The following PDE8B variants were observed in gnomAD, a reference collection of about 807,000 sequenced individuals.
PDE8B encodes the protein phosphodiesterase 8B.
PDE8B carries 26 observed loss-of-function variants against 101.3 expected under a neutral mutation model. The observed-to-expected ratio is 0.26, with a 90% CI of 0.19 to 0.36. PDE8B has a LOEUF of 0.36. PDE8B is among the 10% of genes least tolerant of loss of function. The probability of loss-of-function intolerance (pLI) is 1.00; values close to 1 mark genes in which losing one functional copy is unlikely to be tolerated. For missense variants in PDE8B, 810 were observed against 1,163.1 expected (o/e 0.70, Z 4.42); for synonymous variants, 424 against 429.3 (o/e 0.99, Z 0.15).
At chr5:77,231,478 G>A (rs1753546262) in intron 1 of PDE8B, among the ~76,000 whole-genome samples, 1 of 152,148 alleles carries the variant, frequency 6.6e-6, no homozygotes, top group South Asian at 2.1e-4. Context: ...TAAAGGGAGG[G>A]AATTTCAAAT....
At chr5:77,183,980 T>A in the PDE8B span, among the ~76,000 whole-genome samples, 2,713 of 150,546 alleles carry the variant, frequency 0.018, 35 homozygotes, top group South Asian at 0.056. Flanking sequence ...TTTTTTTTTT[T>A]AAAAAAAAAC....
intron 10 of PDE8B, among the ~76,000 whole-genome samples, chr5:77,388,797 C>G (rs1311367975): frequency 3.9e-5 from 6 of 152,162 alleles, no homozygotes; most frequent in African/African-American, 1.4e-4. Context: ...GAGAGGCAGT[C>G]TGGCCACAGC....
chr5:77,143,442 G>T, the PDE8B span, among the ~76,000 whole-genome samples: 1 of 141,000 alleles, frequency 7.1e-6, no homozygotes, highest in Admixed American at 7.2e-5. Context: ...GTAACAATGA[G>T]CTATGTTATA....
the PDE8B span, chr5:77,146,798 T>C: frequency 2.9e-6 from 1 of 344,554 alleles, no homozygotes; most frequent in Non-Finnish European, 5.9e-6. Flanking sequence ...TGAAAACCTA[T>C]ATCCCTCCTA....
the PDE8B span, among the ~76,000 whole-genome samples, chr5:77,097,732 T>TATAC: frequency 6.7e-4 from 44 of 65,206 alleles, 2 homozygotes; most frequent in African/African-American, 9.4e-4. Context: ...TATATATATA[T>TATAC]ACATACATAT....
intron 18 of PDE8B, 27 bp downstream of exon 18, chr5:77,418,473 C>G: frequency 6.5e-7 from 1 of 1,540,322 alleles, no homozygotes; most frequent in Non-Finnish European, 8.9e-7. Context: ...CTCCTGTGCT[C>G]AAGTTTGTGA....
Position 77,369,203 on chromosome 5 carries a change from C to CAAAAA in PDE8B, c.1167+15815_1167+15819dup, listed in dbSNP as rs70988667. Among the ~76,000 whole-genome samples, 192 of 78,794 alleles carry CAAAAA rather than the reference C, an allele frequency of 2.4e-3. 1 individual carries two copies. The highest frequency in any genetic ancestry group is 0.021 in the Middle Eastern group (2 of 94). 51.7% of individuals were successfully genotyped at this position (78,794 alleles called of 152,430 possible). A position where few individuals can be genotyped will look rare whatever the true frequency, so the allele number is the denominator to read the frequency against. ...ATGCGACAGAGCGAGTCCACTGTCT[C>CAAAAA]AAAAAAAAAAAAAAAAAAAAAAGAA... On this transcript the variant is annotated intron_variant, in intron 10 of 21. Coordinates refer to ENST00000264917, the MANE Select transcript of PDE8B (RefSeq NM_003719.5).
the PDE8B span, among the ~76,000 whole-genome samples, chr5:77,124,362 G>C: frequency 6.6e-6 from 1 of 152,124 alleles, no homozygotes; most frequent in African/African-American, 2.4e-5. Flanking sequence ...GGCTGAGGCG[G>C]GTGGATTGCT....
At chr5:77,135,433 AC>A in the PDE8B span, among the ~76,000 whole-genome samples, 1 of 148,972 alleles carries the variant, frequency 6.7e-6, no homozygotes, top group Non-Finnish European at 1.5e-5. Context: ...CACTTGGGAG[AC>A]CCTTTCAGTT....
At chr5:77,321,244 C>A (rs1031300676) in intron 2 of PDE8B, among the ~76,000 whole-genome samples, 1 of 148,596 alleles carries the variant, frequency 6.7e-6, no homozygotes, top group Non-Finnish European at 1.5e-5. Flanking sequence ...CTCTGCCTCT[C>A]GGGTTCAAGC....
At chr5:77,204,799 C>A in the PDE8B span, among the ~76,000 whole-genome samples, 1 of 152,152 alleles carries the variant, frequency 6.6e-6, no homozygotes, top group Non-Finnish European at 1.5e-5. Flanking sequence ...AAAGAATTGA[C>A]AATACCACTC....
the PDE8B span, among the ~76,000 whole-genome samples, chr5:77,094,888 T>G: frequency 0.015 from 2,229 of 152,310 alleles, 43 homozygotes; most frequent in African/African-American, 0.045. Flanking sequence ...GGCTTTAATC[T>G]ATTTTTGAGG....
chr5:77,188,322 T>C, the PDE8B span, among the ~76,000 whole-genome samples: 1 of 152,206 alleles, frequency 6.6e-6, no homozygotes, highest in Non-Finnish European at 1.5e-5. Flanking sequence ...CAAACAGCCA[T>C]TGAACAGCAT....
the PDE8B span, among the ~76,000 whole-genome samples, chr5:77,117,691 A>T: frequency 6.6e-6 from 1 of 152,234 alleles, no homozygotes; most frequent in Non-Finnish European, 1.5e-5. Context: ...AGAAGCCAGC[A>T]GCCAAAAGGG....
chr5:77,168,447 A>G, the PDE8B span, among the ~76,000 whole-genome samples: 2 of 152,158 alleles, frequency 1.3e-5, no homozygotes, highest in Non-Finnish European at 2.9e-5. Flanking sequence ...CAGCTCCCTG[A>G]CCCAGAACTG....
chr5:77,330,647 G>A (rs1046826323), intron 4 of PDE8B, among the ~76,000 whole-genome samples: 5 of 152,128 alleles, frequency 3.3e-5, no homozygotes, highest in African/African-American at 9.7e-5. Context: ...TTCTATCTGC[G>A]TTTCCACCCA....
At chr5:77,230,022 G>A (rs555264718) in intron 1 of PDE8B, among the ~76,000 whole-genome samples, 17 of 152,300 alleles carry the variant, frequency 1.1e-4, no homozygotes, top group African/African-American at 4.1e-4. Flanking sequence ...ACTGTTCTCC[G>A]AAGTGGCCGT....
intron 10 of PDE8B, among the ~76,000 whole-genome samples, chr5:77,371,825 C>G (rs1053597242): frequency 1.3e-5 from 2 of 152,138 alleles, no homozygotes. Context: ...TTTCAAAGTA[C>G]TTTATGTTTG....
At chr5:77,250,421 G>T (rs190650994) in intron 1 of PDE8B, among the ~76,000 whole-genome samples, 5 of 152,098 alleles carry the variant, frequency 3.3e-5, no homozygotes, top group Non-Finnish European at 7.4e-5. Flanking sequence ...TGACCCTGGG[G>T]TATATGAGGA....
Sources: gnomAD v4.1 joint callset for allele counts (sites outside exome capture counted in the v4.1 genomes callset) on GRCh38, gnomAD v4.1.1 for gene constraint, MANE v1.5 for transcripts, NCBI Gene and HGNC (gene_info 2026-07-23, HGNC 2026-07-21) for gene names.